C1QTNF7: variants seen among roughly 807,000 people sequenced by gnomAD.
The protein encoded by C1QTNF7 is complement C1q tumor necrosis factor-related protein 7.
Under a neutral mutation model 19.6 loss-of-function variants are expected in C1QTNF7, and 15 were observed. That is an observed-to-expected ratio of 0.76 (90% confidence interval 0.51 to 1.18). The LOEUF (loss-of-function observed/expected upper bound fraction) is 1.18, where lower values mean the gene tolerates loss of function less well. Ranked by LOEUF, C1QTNF7 falls within the 50% of genes most tolerant of loss-of-function variation. C1QTNF7 has a pLI of 0.00. For synonymous variants in C1QTNF7, 142 were observed against 137.5 expected, an observed-to-expected ratio of 1.03 and a Z score of -0.23; for missense variants, 324 against 359.7, an observed-to-expected ratio of 0.90 and a Z score of 0.80.
At chr4:15,412,806 A>T (rs1018112803) in intron 1 of C1QTNF7, among the ~76,000 whole-genome samples, 41 of 152,236 alleles carry the variant, frequency 2.7e-4, no homozygotes, top group African/African-American at 9.4e-4. Context: ...ATTTTTACAG[A>T]AGGCAAAACT....
intron 1 of C1QTNF7, among the ~76,000 whole-genome samples, chr4:15,387,124 A>C (rs1718367936): frequency 6.6e-6 from 1 of 152,196 alleles, no homozygotes; most frequent in African/African-American, 2.4e-5. Flanking sequence ...AGGATTTGTT[A>C]ATGTACAATT....
At chr4:15,419,196 T>A (rs534831901) in intron 1 of C1QTNF7, among the ~76,000 whole-genome samples, 12 of 152,112 alleles carry the variant, frequency 7.9e-5, no homozygotes, top group Non-Finnish European at 1.5e-4. Context: ...AAAAAAGACA[T>A]AAAACATACA....
At chr4:15,367,879 A>T (rs12696948) in intron 1 of C1QTNF7, among the ~76,000 whole-genome samples, 71,273 of 151,824 alleles carry the variant, frequency 0.47, 18,000 homozygotes, top group African/African-American at 0.65. Context: ...AATCAACATT[A>T]TTGAGGTATA....
At position 15,444,689 on chromosome 4, in the gene C1QTNF7, G is replaced by C. The variant is rs1231093701; in HGVS notation, c.*1890G>C. On this transcript the variant is annotated 3_prime_UTR_variant, in exon 3 of 3. Transcript: ENST00000444304. Reference sequence around the variant, plus strand: ...ATAAGGGCAAAATGCTGTGAAAGAAGAGGAAATGTTTACTTCCAAATTAGG... The same window carrying C: ...ATAAGGGCAAAATGCTGTGAAAGAACAGGAAATGTTTACTTCCAAATTAGG... 1 of 152,246 alleles carries C rather than the reference G, an allele frequency of 6.6e-6. No homozygotes were observed. Among genetic ancestry groups the C allele is most frequent in the Non-Finnish European group, 1.5e-5 (1 of 68,054 alleles). 9.4% of individuals were successfully genotyped at this position (152,246 alleles called of 1,614,324 possible). A position where few individuals can be genotyped will look rare whatever the true frequency, so the allele number is the denominator to read the frequency against.
chr4:15,349,133 G>A lies in C1QTNF7; in HGVS notation c.13+8926G>A, dbSNP rs531825935. Reference sequence around the variant, plus strand: ...GTCTTCTTAAGCCTCTTGCCACACAGGACTTGAGGAGGAAATGTAAAATGT... The same window carrying A: ...GTCTTCTTAAGCCTCTTGCCACACAAGACTTGAGGAGGAAATGTAAAATGT... On this transcript the variant is annotated intron_variant, in intron 1 of 2. Transcript: ENST00000295297. Among the ~76,000 whole-genome samples, 18 of 152,296 alleles carry A rather than the reference G, an allele frequency of 1.2e-4. No homozygotes were observed. In the South Asian group the frequency reaches 3.7e-3, roughly 32 times the overall value.
chr4:15,364,970 G>A (rs920646615), intron 1 of C1QTNF7, among the ~76,000 whole-genome samples: 1 of 152,108 alleles, frequency 6.6e-6, no homozygotes, highest in African/African-American at 2.4e-5. Context: ...ACCAAAACTG[G>A]AGTACTTTTG....
intron 2 of C1QTNF7, among the ~76,000 whole-genome samples, chr4:15,440,284 G>A (rs891194924): frequency 6.6e-6 from 1 of 151,676 alleles, no homozygotes; most frequent in East Asian, 1.9e-4. Flanking sequence ...TTTAGTGACA[G>A]AGCCAAACAC....
intron 1 of C1QTNF7, among the ~76,000 whole-genome samples, chr4:15,376,962 G>C (rs899520226): frequency 6.6e-6 from 1 of 152,232 alleles, no homozygotes; most frequent in Non-Finnish European, 1.5e-5. Context: ...ATCTGTGAAT[G>C]AATGGGTCAG....
intron 1 of C1QTNF7, among the ~76,000 whole-genome samples, chr4:15,422,201 GT>G (rs577106584): frequency 0.014 from 1,465 of 105,714 alleles, 27 homozygotes; most frequent in African/African-American, 0.054. Context: ...TAATAAACCT[GT>G]TTTTTTTTAA....
At chr4:15,357,853 A>G (rs1717200677) in intron 1 of C1QTNF7, among the ~76,000 whole-genome samples, 1 of 152,170 alleles carries the variant, frequency 6.6e-6, no homozygotes, top group South Asian at 2.1e-4. Flanking sequence ...GCAATTGTGA[A>G]TAGGAGTTCA....
At chr4:15,362,286 C>G (rs1182629008) in intron 1 of C1QTNF7, 2 of 152,104 alleles carry the variant, frequency 1.3e-5, no homozygotes, top group East Asian at 3.9e-4. Context: ...CCCTCTTTCC[C>G]TCTATATAGA....
intron 1 of C1QTNF7, among the ~76,000 whole-genome samples, chr4:15,341,141 C>T (rs533518744): frequency 6.6e-6 from 1 of 152,354 alleles, no homozygotes; most frequent in South Asian, 2.1e-4. Context: ...ACATTCATTC[C>T]TTCACGCACA....
At chr4:15,368,952 A>G (rs532851037) in intron 1 of C1QTNF7, among the ~76,000 whole-genome samples, 1 of 152,348 alleles carries the variant, frequency 6.6e-6, no homozygotes, top group Admixed American at 6.5e-5. Flanking sequence ...TTTCTGAAAT[A>G]TGTGGTTTTA....
At chr4:15,379,990 G>A (rs938210254) in intron 1 of C1QTNF7, among the ~76,000 whole-genome samples, 1 of 152,176 alleles carries the variant, frequency 6.6e-6, no homozygotes, top group African/African-American at 2.4e-5. Context: ...GTCTGGAAGG[G>A]CCACAGTTGC....
At chr4:15,360,656 AG>A (rs1180633478) in intron 1 of C1QTNF7, among the ~76,000 whole-genome samples, 2 of 152,208 alleles carry the variant, frequency 1.3e-5, no homozygotes, top group African/African-American at 4.8e-5. Flanking sequence ...ACTGCCAAAA[AG>A]GACACTTGTT....
chr4:15,429,448 G>A (rs550760480), intron 1 of C1QTNF7, among the ~76,000 whole-genome samples: 1 of 152,092 alleles, frequency 6.6e-6, no homozygotes, highest in Admixed American at 6.5e-5. Flanking sequence ...TGATGAATGT[G>A]ACTACTCTAG....
chr4:15,360,232 C>T (rs1244645306), intron 1 of C1QTNF7, among the ~76,000 whole-genome samples: 5 of 152,000 alleles, frequency 3.3e-5, no homozygotes, highest in East Asian at 3.9e-4. Flanking sequence ...ACTAACCCAT[C>T]GATCTTTTAA....
At chr4:15,435,644 G>C in intron 1 of C1QTNF7, 92 bp from the exon 2 acceptor site, 1 of 1,531,496 alleles carries the variant, frequency 6.5e-7, no homozygotes, top group Non-Finnish European at 8.8e-7. Flanking sequence ...TGTTGCAAAT[G>C]CACATTCTCT....
chr4:15,366,846 G>A (rs1448652707), intron 1 of C1QTNF7, among the ~76,000 whole-genome samples: 1 of 152,188 alleles, frequency 6.6e-6, no homozygotes, highest in Non-Finnish European at 1.5e-5. Context: ...AAGTGCATGT[G>A]TGACTCCTGC....
Sources: gnomAD v4.1 joint callset for allele counts (sites outside exome capture counted in the v4.1 genomes callset) on GRCh38, gnomAD v4.1.1 for gene constraint, MANE v1.5 for transcripts, NCBI Gene and HGNC (gene_info 2026-07-23, HGNC 2026-07-21) for gene names.